The following ARB2A variants were observed in gnomAD, a reference collection of about 807,000 sequenced individuals.
ARB2A encodes the protein cotranscriptional regulator ARB2A.
the ARB2A span, among the ~76,000 whole-genome samples, chr5:93,977,572 A>G: frequency 6.6e-6 from 1 of 152,332 alleles, no homozygotes; most frequent in Admixed American, 6.5e-5. Flanking sequence ...CATAGGCAGA[A>G]GAATAAAACT....
At chr5:93,668,290 A>C in the ARB2A span, among the ~76,000 whole-genome samples, 2 of 152,034 alleles carry the variant, frequency 1.3e-5, no homozygotes, top group Non-Finnish European at 2.9e-5. Flanking sequence ...TGTTTAGTAG[A>C]GTCAGGGTTT....
chr5:93,643,854 A>G, the ARB2A span, among the ~76,000 whole-genome samples: 7 of 152,254 alleles, frequency 4.6e-5, no homozygotes, highest in Non-Finnish European at 1.0e-4. Context: ...TGTATTTCTA[A>G]TAAGTATTAT....
chr5:93,878,318 G>C, the ARB2A span, among the ~76,000 whole-genome samples: 2 of 151,982 alleles, frequency 1.3e-5, no homozygotes, highest in Admixed American at 6.6e-5. Context: ...TATTATGAAG[G>C]CTCTGTTGTA....
At chr5:93,792,038 G>C in the ARB2A span, among the ~76,000 whole-genome samples, 2 of 152,052 alleles carry the variant, frequency 1.3e-5, no homozygotes, top group East Asian at 1.9e-4. Context: ...GGTGGGGAGG[G>C]GAAGGCGACT....
At chr5:93,934,719 C>A in the ARB2A span, among the ~76,000 whole-genome samples, 3 of 152,154 alleles carry the variant, frequency 2.0e-5, no homozygotes, top group Non-Finnish European at 2.9e-5. Context: ...TGCTATCCTG[C>A]AGCCACTTTG....
chr5:93,709,445 C>G, the ARB2A span, among the ~76,000 whole-genome samples: 3 of 151,466 alleles, frequency 2.0e-5, no homozygotes, highest in Non-Finnish European at 4.4e-5. Flanking sequence ...CAAGCCTGGC[C>G]AACATGGTGA....
chr5:94,006,422 G>C, the ARB2A span, among the ~76,000 whole-genome samples: 5 of 152,268 alleles, frequency 3.3e-5, no homozygotes, highest in Non-Finnish European at 5.9e-5. Flanking sequence ...GACAATATAA[G>C]AGATCCTTGT....
At chr5:93,648,816 T>A in the ARB2A span, among the ~76,000 whole-genome samples, 2 of 152,230 alleles carry the variant, frequency 1.3e-5, no homozygotes, top group South Asian at 4.1e-4. Context: ...TTTGTCCCGA[T>A]TTCTTTATTC....
At chr5:93,986,426 C>T in the ARB2A span, among the ~76,000 whole-genome samples, 9 of 150,952 alleles carry the variant, frequency 6.0e-5, no homozygotes, top group African/African-American at 2.2e-4. Context: ...TGCCCGGCTG[C>T]CCCATCTGGG....
chr5:93,894,507 T>C, the ARB2A span, among the ~76,000 whole-genome samples: 1 of 152,136 alleles, frequency 6.6e-6, no homozygotes, highest in African/African-American at 2.4e-5. Context: ...GCCTGCTGAA[T>C]GCAAAGTGAA....
the ARB2A span, among the ~76,000 whole-genome samples, chr5:93,830,325 A>ATATATATATATG: frequency 1.5e-5 from 1 of 67,898 alleles, no homozygotes; most frequent in African/African-American, 4.6e-5. Flanking sequence ...ATATATATAT[A>ATATATATATATG]TATATATATA....
the ARB2A span, among the ~76,000 whole-genome samples, chr5:93,710,009 A>C: frequency 6.6e-6 from 1 of 152,244 alleles, no homozygotes; most frequent in East Asian, 1.9e-4. Context: ...AAATATTCTT[A>C]GCTTCAGAAT....
chr5:93,895,621 T>C, the ARB2A span, among the ~76,000 whole-genome samples: 2 of 152,120 alleles, frequency 1.3e-5, no homozygotes, highest in African/African-American at 4.8e-5. Context: ...GTTAAATTTT[T>C]ATATCACATC....
the ARB2A span, among the ~76,000 whole-genome samples, chr5:93,824,549 T>C: frequency 6.6e-6 from 1 of 152,238 alleles, no homozygotes; most frequent in Non-Finnish European, 1.5e-5. Flanking sequence ...TAAGTGGTGA[T>C]ACATGCCTTT....
At chr5:93,737,411 T>C in the ARB2A span, 1 of 152,138 alleles carries the variant, frequency 6.6e-6, no homozygotes. Context: ...AATGGTGTTT[T>C]GGGCAGAAAT....
the ARB2A span, chr5:93,784,561 G>T: frequency 1.7e-6 from 2 of 1,206,752 alleles, no homozygotes; most frequent in South Asian, 1.3e-5. Context: ...GGTGCAGCCT[G>T]CTTAGTCAGA....
chr5:93,625,203 TTA>T, the ARB2A span, among the ~76,000 whole-genome samples: 1 of 152,194 alleles, frequency 6.6e-6, no homozygotes, highest in African/African-American at 2.4e-5. Context: ...CCATATTATT[TTA>T]TTATGAATTA....
chr5:93,877,159 G>A, the ARB2A span, among the ~76,000 whole-genome samples: 2 of 152,046 alleles, frequency 1.3e-5, no homozygotes, highest in Non-Finnish European at 2.9e-5. Context: ...TCAGAGGCTG[G>A]GTCTAATTCT....
the ARB2A span, among the ~76,000 whole-genome samples, chr5:93,845,147 T>C: frequency 1.3e-5 from 2 of 152,334 alleles, no homozygotes; most frequent in Admixed American, 1.3e-4. Context: ...GTAAGTGCTT[T>C]GGGAATCTTA....
Sources: allele counts gnomAD v4.1 joint callset (sites outside exome capture counted in the v4.1 genomes callset), GRCh38; gene constraint gnomAD v4.1.1; transcripts MANE v1.5; gene names NCBI Gene and HGNC (gene_info 2026-07-23, HGNC 2026-07-21).